The following NFIB variants were observed in gnomAD, a reference collection of about 807,000 sequenced individuals.
NFIB encodes nuclear factor 1 B-type.
NFIB carries 11 observed loss-of-function variants against 61.5 expected under a neutral mutation model. The observed-to-expected ratio is 0.18, with a 90% CI of 0.11 to 0.30. The LOEUF (loss-of-function observed/expected upper bound fraction) is 0.30. NFIB is among the 10% of genes least tolerant of loss of function. The pLI is 1.00. For missense variants in NFIB, 471 were observed against 608.9 expected, an observed-to-expected ratio of 0.77 and a Z score of 2.38; for synonymous variants, 260 against 216.5, an observed-to-expected ratio of 1.20 and a Z score of -1.76.
At chr9:14,104,949 G>A (rs2036334313) in intron 10 of NFIB, among the ~76,000 whole-genome samples, 3 of 152,036 alleles carry the variant, frequency 2.0e-5, no homozygotes, top group Non-Finnish European at 2.9e-5. Flanking sequence ...AAAATAATAT[G>A]CTTTCACAAA....
the NFIB span, among the ~76,000 whole-genome samples, chr9:14,459,032 G>T: frequency 2.0e-5 from 3 of 151,996 alleles, no homozygotes; most frequent in Non-Finnish European, 4.4e-5. Context: ...AGTTCATATG[G>T]AACCAAAAAA....
rs527269836 is a variant in NFIB, at chr9:14,179,653, G to C, written c.616+74C>G. The C allele has an allele frequency of 7.9e-5, 118 of 1,499,504 alleles. 2 individuals carry two copies. Among genetic ancestry groups the C allele is most frequent in the Admixed American group, 1.4e-4 (8 of 58,438 alleles). The allele number at this position is 1,499,504 out of a possible 1,614,324, so 92.9% of individuals were successfully genotyped here. A position where few individuals can be genotyped will look rare whatever the true frequency, so the allele number is the denominator to read the frequency against. On this transcript the variant is annotated intron_variant, in intron 3 of 10. Transcript: ENST00000380953. Reference sequence around the variant, plus strand: ...AAAATAGGCAGCTGACCAATTATGGGGTGTTTATCTATACAGTGGTACCTT... The same window carrying C: ...AAAATAGGCAGCTGACCAATTATGGCGTGTTTATCTATACAGTGGTACCTT...
the NFIB span, among the ~76,000 whole-genome samples, chr9:14,405,173 T>C: frequency 5.6e-4 from 86 of 152,348 alleles, no homozygotes; most frequent in East Asian, 0.014. Context: ...TGGCTGGTGA[T>C]GCCCAGTCTA....
the NFIB span, among the ~76,000 whole-genome samples, chr9:14,449,797 G>A: frequency 6.6e-6 from 1 of 151,942 alleles, no homozygotes; most frequent in Non-Finnish European, 1.5e-5. Flanking sequence ...AGCCAGACAT[G>A]GTGGTGCATG....
At chr9:14,142,260 G>T (rs373219766) in intron 6 of NFIB, among the ~76,000 whole-genome samples, 1 of 152,104 alleles carries the variant, frequency 6.6e-6, no homozygotes, top group Admixed American at 6.6e-5. Context: ...TGTTGTTCTC[G>T]TGATAGTGAA....
intron 10 of NFIB, among the ~76,000 whole-genome samples, chr9:14,102,875 A>G (rs1200801769): frequency 2.6e-5 from 4 of 152,180 alleles, no homozygotes; most frequent in Admixed American, 1.3e-4. Context: ...TTTTCTATGC[A>G]TCACACCAAA....
the NFIB span, among the ~76,000 whole-genome samples, chr9:14,481,965 C>T: frequency 6.6e-6 from 1 of 152,190 alleles, no homozygotes; most frequent in Admixed American, 6.5e-5. Context: ...ATTGGCCGGA[C>T]TAAATGACCT....
At chr9:14,176,584 A>G (rs2046218187) in intron 3 of NFIB, among the ~76,000 whole-genome samples, 1 of 152,224 alleles carries the variant, frequency 6.6e-6, no homozygotes, top group Non-Finnish European at 1.5e-5. Flanking sequence ...TTATAAAATA[A>G]TATCAAATAT....
Position 14,314,002 on chromosome 9 carries a change from G to A in NFIB, c.-491C>T, listed in dbSNP as rs1449784272. 1.9e-6 allele frequency: 2 copies of A among 1,066,606 alleles called. No individual in the cohort carries two copies. Among genetic ancestry groups the A allele is most frequent in the Non-Finnish European group, 1.1e-6 (1 of 881,578 alleles). The allele number at this position is 1,066,606 out of a possible 1,614,324, so 66.1% of individuals were successfully genotyped here. A position where few individuals can be genotyped will look rare whatever the true frequency, so the allele number is the denominator to read the frequency against. ...CGAGCGGGCGGGCGGGAGGGAGAGC[G>A]GGGAGAATGTGTCACCGCGCTGGGA... On this transcript the variant is annotated 5_prime_UTR_variant, in exon 1 of 11. Transcript: ENST00000380953.
At chr9:14,480,264 C>T in the NFIB span, among the ~76,000 whole-genome samples, 2 of 151,868 alleles carry the variant, frequency 1.3e-5, no homozygotes, top group East Asian at 3.9e-4. Flanking sequence ...ATTACCTTGC[C>T]CAGAATTTGA....
chr9:14,413,092 C>T, the NFIB span, among the ~76,000 whole-genome samples: 3 of 152,096 alleles, frequency 2.0e-5, no homozygotes, highest in Non-Finnish European at 4.4e-5. Context: ...TCTGAACTGC[C>T]TTCCCATCAT....
At chr9:14,519,509 TTG>T in the NFIB span, among the ~76,000 whole-genome samples, 1 of 152,120 alleles carries the variant, frequency 6.6e-6, no homozygotes, top group Non-Finnish European at 1.5e-5. Context: ...GTAGTTTCTG[TTG>T]TGTGTTTTCT....
the NFIB span, among the ~76,000 whole-genome samples, chr9:14,470,761 C>T: frequency 0.73 from 111,179 of 152,092 alleles, 40,940 homozygotes; most frequent in East Asian, 0.83. Context: ...TAGGAGGAAA[C>T]ACCTAAAAGA....
intron 1 of NFIB, among the ~76,000 whole-genome samples, chr9:14,312,071 G>A (rs752826641): frequency 3.7e-4 from 57 of 152,276 alleles, no homozygotes; most frequent in Non-Finnish European, 2.6e-4. Context: ...TAAAGTGCGT[G>A]TTTACTTGCT....
At chr9:14,339,872 A>G (rs2060929925) in intron 1 of NFIB, among the ~76,000 whole-genome samples, 1 of 152,246 alleles carries the variant, frequency 6.6e-6, no homozygotes, top group Admixed American at 6.5e-5. Flanking sequence ...AACATCAGAA[A>G]GACAGTCGTC....
In NFIB at chr9:14,134,065, C is replaced by T. The variant is rs143001451; in HGVS notation, c.926-8299G>A. On this transcript the variant is annotated intron_variant, in intron 6 of 10. Transcript: ENST00000380953. The stretch of plus-strand genomic sequence containing the variant: ...ATGGGGAGAAGACACATGGTGTGTT[C>T]CTTGATGGTTTAAATAAAATTCAAA... Among the ~76,000 whole-genome samples, 4 of 152,162 alleles carry T rather than the reference C, an allele frequency of 2.6e-5. No homozygotes were observed. The East Asian group carries it at 7.8e-4, about 30-fold the overall frequency.
At chr9:14,208,559 G>A (rs1309448683) in intron 2 of NFIB, among the ~76,000 whole-genome samples, 2 of 149,906 alleles carry the variant, frequency 1.3e-5, no homozygotes, top group Non-Finnish European at 3.0e-5. Flanking sequence ...TTACTTAAAA[G>A]AGCTTTTTTT....
intron 1 of NFIB, among the ~76,000 whole-genome samples, chr9:14,333,005 A>C (rs1271347753): frequency 6.6e-6 from 1 of 152,180 alleles, no homozygotes. Context: ...ACAGTCAATC[A>C]GGGGTATTCA....
chr9:14,345,558 G>A (rs893646212), intron 1 of NFIB, among the ~76,000 whole-genome samples: 1 of 152,148 alleles, frequency 6.6e-6, no homozygotes. Context: ...CTTTGTGAAC[G>A]GGATCCTTTA....
Sources: allele counts gnomAD v4.1 joint callset (sites outside exome capture counted in the v4.1 genomes callset), GRCh38; gene constraint gnomAD v4.1.1; transcripts MANE v1.5; gene names NCBI Gene and HGNC (gene_info 2026-07-23, HGNC 2026-07-21).